The following ATP8A2 variants were observed in gnomAD, a reference collection of about 807,000 sequenced individuals.
The protein encoded by ATP8A2 is phospholipid-transporting ATPase IB.
Under a neutral mutation model 165.6 loss-of-function variants are expected in ATP8A2, and 100 were observed. The ratio of observed to expected loss-of-function variants is 0.60; its 90% CI spans 0.51 to 0.71. ATP8A2 has a LOEUF of 0.71. Ranked by LOEUF, ATP8A2 falls within the 30% of genes least tolerant of loss-of-function variation. ATP8A2 has a pLI of 0.00. For synonymous variants in ATP8A2, 543 were observed against 548.8 expected (o/e 0.99, Z 0.15); for missense variants, 1,227 against 1,479.5 (o/e 0.83, Z 2.80).
At chr13:25,911,837 C>T (rs754733326) in intron 33 of ATP8A2, among the ~76,000 whole-genome samples, 5 of 152,158 alleles carry the variant, frequency 3.3e-5, no homozygotes, top group African/African-American at 7.2e-5. Flanking sequence ...TCTTACAGAT[C>T]GTTTTGCCTG....
At chr13:25,695,357 C>G (rs527383603) in intron 24 of ATP8A2, among the ~76,000 whole-genome samples, 45 of 152,294 alleles carry the variant, frequency 3.0e-4, no homozygotes, top group African/African-American at 1.1e-3. Flanking sequence ...GCTGGCTGAT[C>G]AAGGTGGTGG....
At chr13:25,927,563 C>T (rs1954646462) in intron 33 of ATP8A2, among the ~76,000 whole-genome samples, 2 of 152,326 alleles carry the variant, frequency 1.3e-5, no homozygotes, top group African/African-American at 2.4e-5. Context: ...CGTGTCTCCA[C>T]ACGCAGAGAT....
chr13:25,811,033 TA>T (rs1206201687), intron 27 of ATP8A2, among the ~76,000 whole-genome samples: 1 of 148,568 alleles, frequency 6.7e-6, no homozygotes, highest in East Asian at 2.0e-4. Flanking sequence ...AATACAGAAT[TA>T]TGCACAATTT....
At chr13:25,384,225 A>G (rs1004864179) in intron 1 of ATP8A2, among the ~76,000 whole-genome samples, 4 of 152,110 alleles carry the variant, frequency 2.6e-5, no homozygotes, top group African/African-American at 9.7e-5. Flanking sequence ...CTATTTTTTT[A>G]GTTTTGATTA....
At chr13:25,845,481 AC>A (rs1951839319) in intron 30 of ATP8A2, among the ~76,000 whole-genome samples, 1 of 152,190 alleles carries the variant, frequency 6.6e-6, no homozygotes, top group Admixed American at 6.5e-5. Flanking sequence ...CAGAGTCCAC[AC>A]CGTAGAAACT....
chr13:25,958,044 G>A (rs6491094), intron 33 of ATP8A2, among the ~76,000 whole-genome samples: 123,686 of 151,826 alleles, frequency 0.81, 51,058 homozygotes, highest in Non-Finnish European at 0.88. Flanking sequence ...AGAAAACCAA[G>A]CACTGCATGT....
chr13:26,004,812 A>G (rs1040272433), intron 35 of ATP8A2, among the ~76,000 whole-genome samples: 2 of 152,092 alleles, frequency 1.3e-5, no homozygotes, highest in African/African-American at 2.4e-5. Context: ...ATATTGAACC[A>G]TCCTTGTATC....
intron 25 of ATP8A2, among the ~76,000 whole-genome samples, chr13:25,731,748 A>C (rs187204389): frequency 6.6e-6 from 1 of 152,272 alleles, no homozygotes; most frequent in African/African-American, 2.4e-5. Context: ...TAACACTCGC[A>C]GAAATGAAGC....
intron 27 of ATP8A2, among the ~76,000 whole-genome samples, chr13:25,803,015 T>TC (rs918445603): frequency 6.0e-5 from 9 of 149,424 alleles, no homozygotes; most frequent in African/African-American, 2.2e-4. Context: ...AACTGGAGAA[T>TC]TTTTTTTTTA....
At chr13:25,583,923 C>T (rs777010330) in intron 23 of ATP8A2, among the ~76,000 whole-genome samples, 1 of 152,202 alleles carries the variant, frequency 6.6e-6, no homozygotes, top group Non-Finnish European at 1.5e-5. Flanking sequence ...AGCAAGTACT[C>T]TCCAAGACCG....
chr13:25,460,388 G>T (rs1332377129), intron 1 of ATP8A2, among the ~76,000 whole-genome samples: 2 of 152,180 alleles, frequency 1.3e-5, no homozygotes, highest in African/African-American at 2.4e-5. Flanking sequence ...ACGAGCAATG[G>T]AGAATGTCTA....
intron 35 of ATP8A2, among the ~76,000 whole-genome samples, chr13:25,991,760 G>A (rs543991968): frequency 1.3e-5 from 2 of 152,240 alleles, no homozygotes; most frequent in East Asian, 3.9e-4. Context: ...AGGAGATCTG[G>A]ATTTCCAGTT....
chr13:25,941,753 A>T (rs1955078167), intron 33 of ATP8A2, among the ~76,000 whole-genome samples: 1 of 152,182 alleles, frequency 6.6e-6, no homozygotes, highest in Non-Finnish European at 1.5e-5. Flanking sequence ...CAGGGCAGAG[A>T]GTGGAATGTA....
chr13:25,578,953 A>T (rs367701379), intron 21 of ATP8A2, 54 bp downstream of exon 21: 1 of 1,191,630 alleles, frequency 8.4e-7, no homozygotes, highest in Non-Finnish European at 1.3e-6. Context: ...ACTTTCAAGC[A>T]TGTTGTCTTG....
At chr13:25,666,535 C>T (rs145732401) in intron 24 of ATP8A2, among the ~76,000 whole-genome samples, 11 of 152,196 alleles carry the variant, frequency 7.2e-5, no homozygotes, top group East Asian at 3.9e-4. Context: ...TCACCACGCC[C>T]GGCCAGAATA....
At chr13:25,764,416 A>G (rs1214895856) in intron 25 of ATP8A2, among the ~76,000 whole-genome samples, 3 of 152,244 alleles carry the variant, frequency 2.0e-5, no homozygotes, top group African/African-American at 4.8e-5. Context: ...AACTGTCACT[A>G]TGGAAATTTT....
At chr13:25,536,016 A>T (rs1348802078) in intron 6 of ATP8A2, among the ~76,000 whole-genome samples, 1 of 151,972 alleles carries the variant, frequency 6.6e-6, no homozygotes, top group Non-Finnish European at 1.5e-5. Context: ...TTTCATTTGA[A>T]AACATGACAA....
intron 33 of ATP8A2, among the ~76,000 whole-genome samples, chr13:25,903,428 C>A (rs896308372): frequency 2.6e-5 from 4 of 152,202 alleles, no homozygotes; most frequent in African/African-American, 9.7e-5. Flanking sequence ...CTCCCATCCT[C>A]CATCCTGTCC....
At chr13:25,599,833 C>A (rs762093482) in intron 24 of ATP8A2, among the ~76,000 whole-genome samples, 3 of 152,166 alleles carry the variant, frequency 2.0e-5, no homozygotes, top group Non-Finnish European at 4.4e-5. Flanking sequence ...CAGCTAATAT[C>A]TTTTTTCCAC....
Sources: gnomAD v4.1 joint callset for allele counts (sites outside exome capture counted in the v4.1 genomes callset) on GRCh38, gnomAD v4.1.1 for gene constraint, MANE v1.5 for transcripts, NCBI Gene and HGNC (gene_info 2026-07-23, HGNC 2026-07-21) for gene names.